The following NSUN4 variants were observed in gnomAD, a reference collection of about 807,000 sequenced individuals.
NSUN4 encodes NOP2/Sun RNA methyltransferase 4, also known as 5-cytosine rRNA methyltransferase NSUN4.
Under a neutral mutation model 43.8 loss-of-function variants are expected in NSUN4, and 31 were observed. The ratio of observed to expected loss-of-function variants is 0.71; its 90% confidence interval spans 0.53 to 0.96. The LOEUF (loss-of-function observed/expected upper bound fraction) is 0.96, where lower values mean the gene tolerates loss of function less well. Among genes scored for constraint, NSUN4 ranks in the 40% least tolerant of loss-of-function variants. The pLI is 0.00. For missense variants in NSUN4, 439 were observed against 475.6 expected (o/e 0.92, Z 0.72); for synonymous variants, 167 against 184.1 (o/e 0.91, Z 0.75).
At position 46,361,825 on chromosome 1, in the gene NSUN4, C is replaced by T; in HGVS notation, c.1134C>T (p.Cys378=). Residue 378 remains cysteine (C), a synonymous_variant, in exon 6 of 6, where the codon TGC becomes TGT. Coordinates refer to ENST00000474844, the MANE Select transcript of NSUN4 (RefSeq NM_199044.4). ...CCAATTTTGGCCCCATGTACTTCTG[C>T]AAAATGCGTAGGCTGACATAGTATC... ...LMANFGPMYF[C]KMRRLT 6.2e-7 allele frequency: 1 copy of T among 1,614,074 alleles called. No homozygotes were observed.
chr1:46,380,817 TG>T, the NSUN4 span, among the ~76,000 whole-genome samples: 1 of 152,162 alleles, frequency 6.6e-6, no homozygotes, highest in South Asian at 2.1e-4. Context: ...CCCCTCTCTG[TG>T]GGCCTCTATT....
chr1:46,345,303 T>C, intron 2 of NSUN4, 159 bp downstream of exon 2: 1 of 571,462 alleles, frequency 1.7e-6, no homozygotes, highest in Non-Finnish European at 3.1e-6. Context: ...TGTACATATG[T>C]TATCTCTTTT....
intron 4 of NSUN4, among the ~76,000 whole-genome samples, chr1:46,356,817 A>G (rs895971580): frequency 1.3e-5 from 2 of 152,154 alleles, no homozygotes; most frequent in South Asian, 4.1e-4. Context: ...AGAGCTCTGC[A>G]TGTTCATGGA....
At chr1:46,372,654 T>C in the NSUN4 span, among the ~76,000 whole-genome samples, 1 of 152,230 alleles carries the variant, frequency 6.6e-6, no homozygotes, top group Non-Finnish European at 1.5e-5. Context: ...TCTTCAATTC[T>C]GCATTCCATA....
At chr1:46,352,225 C>T (rs568594087) in intron 3 of NSUN4, among the ~76,000 whole-genome samples, 9 of 149,802 alleles carry the variant, frequency 6.0e-5, no homozygotes, top group African/African-American at 4.9e-5. Flanking sequence ...CCAAGGCAGG[C>T]GGGATCACCT....
intron 1 of NSUN4, chr1:46,341,559 C>T: frequency 8.7e-7 from 1 of 1,155,734 alleles, no homozygotes; most frequent in Non-Finnish European, 1.1e-6. Context: ...TTTTTCTTGC[C>T]TCACTGGAAG....
At chr1:46,369,540 G>A (rs1664204561), downstream of NSUN4, among the ~76,000 whole-genome samples, 1 of 152,182 alleles carries the variant, frequency 6.6e-6, no homozygotes, top group Non-Finnish European at 1.5e-5. Flanking sequence ...GAAATGTAAA[G>A]TGCATATACC....
At chr1:46,344,636 C>T in intron 1 of NSUN4, 165 bp from the exon 2 acceptor site, 1 of 637,716 alleles carries the variant, frequency 1.6e-6, no homozygotes, top group South Asian at 1.9e-5. Flanking sequence ...GCCCACTCTC[C>T]ACTACTTTTC....
intron 4 of NSUN4, among the ~76,000 whole-genome samples, chr1:46,354,828 C>A (rs566510782): frequency 6.9e-6 from 1 of 144,222 alleles, no homozygotes; most frequent in South Asian, 2.2e-4. Context: ...TGCCACCACG[C>A]CTGACTAATT....
chr1:46,381,360 C>T, the NSUN4 span, among the ~76,000 whole-genome samples: 1 of 152,122 alleles, frequency 6.6e-6, no homozygotes, highest in African/African-American at 2.4e-5. Flanking sequence ...TTTCTGGATC[C>T]TCTCTCACAG....
chr1:46,376,429 G>A, the NSUN4 span, among the ~76,000 whole-genome samples: 1 of 151,394 alleles, frequency 6.6e-6, no homozygotes, highest in African/African-American at 2.4e-5. Flanking sequence ...AAGCATAGTA[G>A]TAAAGATGTA....
chr1:46,343,283 C>T (rs535957314), intron 1 of NSUN4: 42 of 399,842 alleles, frequency 1.1e-4, no homozygotes, highest in South Asian at 8.9e-4. Flanking sequence ...GTTCTACCCA[C>T]ATCTATTCTT....
At chr1:46,378,823 G>A in the NSUN4 span, among the ~76,000 whole-genome samples, 1 of 152,196 alleles carries the variant, frequency 6.6e-6, no homozygotes, top group Non-Finnish European at 1.5e-5. Flanking sequence ...GCCTGACCAA[G>A]GGCAAATGGG....
At chr1:46,360,931 T>C (rs1490701695) in intron 5 of NSUN4, 103 bp downstream of exon 5, 20 of 1,305,054 alleles carry the variant, frequency 1.5e-5, no homozygotes, top group Non-Finnish European at 2.2e-5. Flanking sequence ...AAGAATCTTA[T>C]GGCTGGAGAT....
chr1:46,379,855 C>T, the NSUN4 span, among the ~76,000 whole-genome samples: 4 of 152,100 alleles, frequency 2.6e-5, no homozygotes, highest in African/African-American at 4.8e-5. Flanking sequence ...CTACCCCATA[C>T]CTCTTTTATA....
rs1385393921 is a variant in NSUN4 at position 46,361,668 on chromosome 1, A to G, written c.977A>G (p.Glu326Gly). 1 of 1,614,028 alleles carries G rather than the reference A, an allele frequency of 6.2e-7. No individual in the cohort carries two copies. The highest frequency in any genetic ancestry group is 1.7e-5 in the Admixed American group (1 of 60,002). Residue 326 changes from glutamate to glycine, a missense_variant, in exon 6 of 6, where the codon GAG becomes GGG. Physicochemically the swap from Glu to Gly is moderately conservative, Grantham distance 98 (BLOSUM62 -2). Transcript: ENST00000474844. ...GAGTATGTGGTGCAAGGTGCCATTG[A>G]GCTCCTGGCCAATCAATACAGCATC... is the stretch of plus-strand genomic sequence containing the variant. ...QNEYVVQGAI[E>G]LLANQYSIQV...
the NSUN4 span, among the ~76,000 whole-genome samples, chr1:46,372,046 C>T: frequency 6.6e-6 from 1 of 152,030 alleles, no homozygotes; most frequent in Non-Finnish European, 1.5e-5. Context: ...TCCTTCTTTC[C>T]TTGTCTTGAT....
chr1:46,360,185 C>T (rs1324355349), intron 4 of NSUN4, among the ~76,000 whole-genome samples: 1 of 132,468 alleles, frequency 7.5e-6, no homozygotes, highest in African/African-American at 2.9e-5. Flanking sequence ...GCCGAGATTG[C>T]GCCACTGCAC....
At chr1:46,358,158 C>T (rs1173589320) in intron 4 of NSUN4, among the ~76,000 whole-genome samples, 2 of 152,084 alleles carry the variant, frequency 1.3e-5, no homozygotes, top group African/African-American at 2.4e-5. Flanking sequence ...TGCAGTGGCG[C>T]AATCTTGGTT....
Sources: allele counts gnomAD v4.1 joint callset (sites outside exome capture counted in the v4.1 genomes callset), GRCh38; gene constraint gnomAD v4.1.1; transcripts MANE v1.5; gene names NCBI Gene and HGNC (gene_info 2026-07-23, HGNC 2026-07-21).